Variants in TTC8 observed in about 807,000 individuals in gnomAD.
The protein encoded by TTC8 is tetratricopeptide repeat protein 8.
A neutral mutation model predicts 72.5 loss-of-function variants in TTC8; 47 were observed. That is an observed-to-expected ratio of 0.65 (90% CI 0.51 to 0.83). The LOEUF is 0.83. Among genes scored for constraint, TTC8 ranks in the 40% least tolerant of loss-of-function variants. The pLI is 0.00. For missense variants in TTC8, 611 were observed against 623.2 expected, an observed-to-expected ratio of 0.98 and a Z score of 0.21; for synonymous variants, 199 against 221.4, an observed-to-expected ratio of 0.90 and a Z score of 0.90.
At chr14:88,837,101 G>T in intron 2 of TTC8, 1 of 234,382 alleles carries the variant, frequency 4.3e-6, no homozygotes, top group South Asian at 3.9e-5. Flanking sequence ...ACTTGATTTA[G>T]GTAGGACTCC....
At chr14:88,837,354 C>T (rs2094757589) in intron 2 of TTC8, among the ~76,000 whole-genome samples, 1 of 152,152 alleles carries the variant, frequency 6.6e-6, no homozygotes, top group African/African-American at 2.4e-5. Context: ...CCTTCCACTC[C>T]CAGGTAGCTG....
intron 7 of TTC8, among the ~76,000 whole-genome samples, chr14:88,848,431 A>G (rs2094818710): frequency 6.6e-6 from 1 of 152,216 alleles, no homozygotes; most frequent in Non-Finnish European, 1.5e-5. Flanking sequence ...AGATAGCCTT[A>G]AAGATAGTTC....
chr14:88,830,218 C>T (rs1229962155), intron 1 of TTC8, among the ~76,000 whole-genome samples: 1 of 152,106 alleles, frequency 6.6e-6, no homozygotes, highest in Non-Finnish European at 1.5e-5. Context: ...CCTAAAGTAA[C>T]AGAAACAAGC....
Position 88,860,695 on chromosome 14 carries a change from G to A in TTC8, c.799-527G>A, listed in dbSNP as rs529438893. On this transcript the variant is annotated intron_variant, in intron 9 of 14. Coordinates refer to ENST00000380656, the MANE Select transcript of TTC8 (RefSeq NM_144596.4). ...TCTGGCAATAGTAAACTCACAGTAA[G>A]CATTTGTTAGAGAATAAATGAATGA... 9.2e-5 allele frequency among the ~76,000 whole-genome samples: 14 copies of A among 152,248 alleles called. No individual in the cohort carries two copies. The South Asian group carries it at 2.5e-3, about 27-fold the overall frequency.
chr14:88,828,606 C>T (rs1410917980), intron 1 of TTC8, among the ~76,000 whole-genome samples: 1 of 152,142 alleles, frequency 6.6e-6, no homozygotes, highest in African/African-American at 2.4e-5. Flanking sequence ...ACGTTTTCCC[C>T]TCCCCATTAC....
chr14:88,857,640 A>G (rs953151864), intron 9 of TTC8, among the ~76,000 whole-genome samples: 1 of 152,154 alleles, frequency 6.6e-6, no homozygotes, highest in South Asian at 2.1e-4. Flanking sequence ...GTTTTTACTT[A>G]GGTTCCTAGT....
At chr14:88,868,136 T>G (rs748646626) in intron 10 of TTC8, among the ~76,000 whole-genome samples, 4 of 152,178 alleles carry the variant, frequency 2.6e-5, no homozygotes, top group Non-Finnish European at 4.4e-5. Flanking sequence ...CTTAACAACC[T>G]TCTCGCTCTG....
rs1315505100 is a variant in TTC8 at position 88,841,026 on chromosome 14, A to C, written c.330-11A>C. The C allele has an allele frequency of 1.2e-6, 2 of 1,613,960 alleles. No homozygotes were observed. Among genetic ancestry groups the C allele is most frequent in the Admixed American group, 1.7e-5 (1 of 59,976 alleles). ...TCTTCTTTGTATTATAACAATTTAT[A>C]ATCTTCACAGGCCAATCACACAAGC... is the stretch of plus-strand genomic sequence containing the variant. On this transcript the variant is annotated splice_polypyrimidine_tract_variant and intron_variant, in intron 4 of 14. Coordinates refer to ENST00000380656, the MANE Select transcript of TTC8 (RefSeq NM_144596.4).
intron 2 of TTC8, among the ~76,000 whole-genome samples, chr14:88,836,688 A>G (rs2094753279): frequency 6.6e-6 from 1 of 152,158 alleles, no homozygotes; most frequent in Non-Finnish European, 1.5e-5. Flanking sequence ...AAATAACAGT[A>G]TGAATTTGAA....
rs2094770219 is a variant in TTC8 at position 88,839,577 on chromosome 14, G to A, written c.265+5G>A. ...ATGCTATAGCTCAAGTTCCACGTAAGTATTGGGTTTTCAGTTAAGTTAATG... is the reference window on the plus strand; with the variant it reads ...ATGCTATAGCTCAAGTTCCACGTAAATATTGGGTTTTCAGTTAAGTTAATG... On this transcript the variant is annotated splice_donor_5th_base_variant and intron_variant, in intron 3 of 14. Transcript: ENST00000380656. 1 of 1,612,854 alleles carries A rather than the reference G, an allele frequency of 6.2e-7. No homozygotes were observed. The highest frequency in any genetic ancestry group is 8.5e-7 in the Non-Finnish European group (1 of 1,179,214).
intron 1 of TTC8, among the ~76,000 whole-genome samples, chr14:88,830,118 C>G (rs1360798441): frequency 1.3e-5 from 2 of 152,078 alleles, no homozygotes; most frequent in Non-Finnish European, 2.9e-5. Flanking sequence ...AACAATGACT[C>G]GGCAGTTTAA....
At chr14:88,838,292 CT>C (rs1263088088) in intron 2 of TTC8, among the ~76,000 whole-genome samples, 1 of 152,146 alleles carries the variant, frequency 6.6e-6, no homozygotes, top group Non-Finnish European at 1.5e-5. Context: ...GTGTTTTAAT[CT>C]TCTCATGTTT....
intron 1 of TTC8, 71 bp from the exon 2 acceptor site, chr14:88,833,622 G>T (rs118135059): frequency 3.4e-5 from 46 of 1,364,052 alleles, no homozygotes; most frequent in Non-Finnish European, 4.3e-5. Context: ...ATACTTGGTT[G>T]GTCCTTAGGA....
chr14:88,829,913 G>A (rs757525964), intron 1 of TTC8, among the ~76,000 whole-genome samples: 8 of 152,138 alleles, frequency 5.3e-5, no homozygotes, highest in Non-Finnish European at 1.0e-4. Flanking sequence ...TGGGGCCATG[G>A]AGACTTAGCC....
chr14:88,875,423 C>A (rs1162576836), intron 14 of TTC8, among the ~76,000 whole-genome samples: 2 of 152,084 alleles, frequency 1.3e-5, no homozygotes, highest in Admixed American at 6.6e-5. Flanking sequence ...TAGTTATTGG[C>A]TTTTACAGCA....
upstream of TTC8, chr14:88,824,536 G>A: frequency 1.7e-6 from 1 of 601,604 alleles, no homozygotes. Flanking sequence ...CTGTAGCCGA[G>A]TTCTGCTTGC....
intron 7 of TTC8, among the ~76,000 whole-genome samples, chr14:88,849,062 G>A (rs1401811418): frequency 6.6e-6 from 1 of 152,120 alleles, no homozygotes; most frequent in African/African-American, 2.4e-5. Context: ...CTTATTTAGT[G>A]AGAAACACAA....
At chr14:88,848,135 A>C (rs1174308914) in intron 7 of TTC8, among the ~76,000 whole-genome samples, 1 of 150,902 alleles carries the variant, frequency 6.6e-6, no homozygotes, top group Non-Finnish European at 1.5e-5. Flanking sequence ...AAAAAAAAAA[A>C]AAAAAAAAAA....
In TTC8 at chr14:88,824,720, A is replaced by G. The variant is rs1170078688; in HGVS notation, c.13A>G (p.Met5Val). Reference sequence around the variant, plus strand: ...CGCACCGGCAGCCATGAGCTCGGAGATGGAGCCGCTGCTCCTGGCCTGGAG... The same window carrying G: ...CGCACCGGCAGCCATGAGCTCGGAGGTGGAGCCGCTGCTCCTGGCCTGGAG... MSSE[M>V]EPLLLAWSYF... Residue 5 changes from methionine to valine, a missense_variant, in exon 1 of 15, where the codon ATG (methionine) becomes GTG (valine). Transcript: ENST00000380656. 1.9e-6 allele frequency: 3 copies of G among 1,608,906 alleles called. No homozygotes were observed. The highest frequency in any genetic ancestry group is 2.7e-5 in the African/African-American group (2 of 74,820).
Sources: gnomAD v4.1 joint callset for allele counts (sites outside exome capture counted in the v4.1 genomes callset) on GRCh38, gnomAD v4.1.1 for gene constraint, MANE v1.5 for transcripts, NCBI Gene and HGNC (gene_info 2026-07-23, HGNC 2026-07-21) for gene names.